Variants in B3GALT1 observed in about 807,000 individuals in gnomAD.
B3GALT1 encodes beta-1,3-galactosyltransferase 1.
A neutral mutation model predicts 23.2 loss-of-function variants in B3GALT1; 10 were observed. The ratio of observed to expected loss-of-function variants is 0.43; its 90% CI spans 0.27 to 0.73. B3GALT1 has a LOEUF of 0.73. B3GALT1 is among the 30% of genes least tolerant of loss of function. The pLI, the probability that B3GALT1 is intolerant of heterozygous loss-of-function variation, is 0.21. For synonymous variants in B3GALT1, 156 were observed against 141.5 expected, an observed-to-expected ratio of 1.10 and a Z score of -0.73; for missense variants, 299 against 405.4, an observed-to-expected ratio of 0.74 and a Z score of 2.25.
chr2:167,483,980 C>T (rs760116907), intron 1 of B3GALT1, among the ~76,000 whole-genome samples: 4 of 152,174 alleles, frequency 2.6e-5, no homozygotes, highest in South Asian at 2.1e-4. Context: ...GAGCTATCTC[C>T]GTTAAGAACT....
At chr2:167,489,788 G>C (rs184224102) in intron 1 of B3GALT1, among the ~76,000 whole-genome samples, 3 of 152,280 alleles carry the variant, frequency 2.0e-5, no homozygotes, top group Admixed American at 2.0e-4. Context: ...AGACAAGACT[G>C]TTTAGAACTA....
chr2:167,612,882 G>T (rs1574167926), intron 2 of B3GALT1, among the ~76,000 whole-genome samples: 1 of 151,960 alleles, frequency 6.6e-6, no homozygotes, highest in Admixed American at 6.6e-5. Flanking sequence ...GAGAAAGCAA[G>T]ATTGAAATAA....
At chr2:167,613,237 A>G (rs1685102232) in intron 2 of B3GALT1, among the ~76,000 whole-genome samples, 1 of 151,944 alleles carries the variant, frequency 6.6e-6, no homozygotes, top group Non-Finnish European at 1.5e-5. Context: ...GAAGTTTATC[A>G]CAGGATTATT....
chr2:167,740,864 G>C (rs1055408556), intron 3 of B3GALT1, among the ~76,000 whole-genome samples: 1 of 152,030 alleles, frequency 6.6e-6, no homozygotes, highest in African/African-American at 2.4e-5. Flanking sequence ...TTAGTCTTTT[G>C]GCAGGCACTG....
chr2:167,379,474 G>C (rs183796040), intron 1 of B3GALT1, among the ~76,000 whole-genome samples: 1 of 152,014 alleles, frequency 6.6e-6, no homozygotes, highest in Non-Finnish European at 1.5e-5. Context: ...TGTAGAGATT[G>C]CTGTGTAGGG....
At chr2:167,616,790 C>G (rs775711269) in intron 2 of B3GALT1, among the ~76,000 whole-genome samples, 8 of 151,956 alleles carry the variant, frequency 5.3e-5, no homozygotes, top group South Asian at 4.1e-4. Context: ...TGTAAACTTT[C>G]TTGTATTTTC....
intron 2 of B3GALT1, among the ~76,000 whole-genome samples, chr2:167,583,066 G>C (rs1438785564): frequency 7.2e-5 from 11 of 152,120 alleles, no homozygotes; most frequent in Non-Finnish European, 1.5e-4. Context: ...CTTTTCTCAA[G>C]GCCCATGAGG....
chr2:167,603,893 C>CT (rs551000087), intron 2 of B3GALT1, among the ~76,000 whole-genome samples: 181 of 136,862 alleles, frequency 1.3e-3, no homozygotes, highest in African/African-American at 2.6e-3. Context: ...AGAAAAAGTT[C>CT]TTTTTTTTTT....
chr2:167,407,420 C>T (rs991787992), intron 1 of B3GALT1, among the ~76,000 whole-genome samples: 2 of 151,920 alleles, frequency 1.3e-5, no homozygotes, highest in Admixed American at 1.3e-4. Flanking sequence ...CCTAAGAATG[C>T]ATCTCAAGGA....
intron 1 of B3GALT1, among the ~76,000 whole-genome samples, chr2:167,377,826 G>C (rs1697788611): frequency 6.6e-6 from 1 of 152,078 alleles, no homozygotes; most frequent in African/African-American, 2.4e-5. Flanking sequence ...TTACAGTCAA[G>C]GTTAATATTA....
At chr2:167,542,500 A>G (rs1683549191) in intron 2 of B3GALT1, among the ~76,000 whole-genome samples, 1 of 152,168 alleles carries the variant, frequency 6.6e-6, no homozygotes, top group Admixed American at 6.5e-5. Context: ...TTCCTTTCAG[A>G]CAAAATATAT....
chr2:167,410,752 T>A (rs1018530100), intron 1 of B3GALT1, among the ~76,000 whole-genome samples: 1 of 151,726 alleles, frequency 6.6e-6, no homozygotes, highest in Non-Finnish European at 1.5e-5. Flanking sequence ...AGTAAAAAAA[T>A]AAAATAAAAT....
intron 3 of B3GALT1, among the ~76,000 whole-genome samples, chr2:167,659,842 T>C (rs944818566): frequency 2.6e-5 from 4 of 152,068 alleles, no homozygotes; most frequent in South Asian, 2.1e-4. Context: ...CTTCCTCGAG[T>C]GGATAAAATA....
chr2:167,443,058 G>A lies in B3GALT1; in HGVS notation c.-510-47119G>A, dbSNP rs569175991. 3.9e-4 allele frequency among the ~76,000 whole-genome samples: 60 copies of A among 152,124 alleles called. No individual in the cohort carries two copies. The East Asian group carries it at 0.011, about 28-fold the overall frequency. ...TCTTGAATTGATTTTTGTATAAGGT[G>A]TAAGGAAGGGATCCAGTTTCAGCTT... On this transcript the variant is annotated intron_variant, in intron 1 of 4. Transcript: ENST00000392690.
chr2:167,608,849 G>T (rs6711607), intron 2 of B3GALT1, among the ~76,000 whole-genome samples: 1 of 151,854 alleles, frequency 6.6e-6, no homozygotes, highest in Non-Finnish European at 1.5e-5. Context: ...AAGTTGCCAG[G>T]TTTCTTACCA....
chr2:167,625,131 A>G (rs2105442444), intron 2 of B3GALT1, among the ~76,000 whole-genome samples: 1 of 152,118 alleles, frequency 6.6e-6, no homozygotes, highest in African/African-American at 2.4e-5. Flanking sequence ...TTGGAGTTCT[A>G]CAGACTAAAG....
At chr2:167,307,867 T>G (rs1179787549) in intron 1 of B3GALT1, among the ~76,000 whole-genome samples, 1 of 152,030 alleles carries the variant, frequency 6.6e-6, no homozygotes, top group Non-Finnish European at 1.5e-5. Flanking sequence ...TAAAAAGACC[T>G]TCAAAAGCTT....
At chr2:167,448,006 T>C (rs1381284574) in intron 1 of B3GALT1, among the ~76,000 whole-genome samples, 3 of 152,214 alleles carry the variant, frequency 2.0e-5, no homozygotes, top group Non-Finnish European at 4.4e-5. Context: ...TATCACAATT[T>C]CTTTATCCAC....
chr2:167,627,919 T>C (rs139495513), intron 2 of B3GALT1, among the ~76,000 whole-genome samples: 2 of 151,702 alleles, frequency 1.3e-5, no homozygotes, highest in African/African-American at 4.8e-5. Flanking sequence ...TGGTATCTCA[T>C]TGTGATTTGA....
Sources: allele counts gnomAD v4.1 joint callset (sites outside exome capture counted in the v4.1 genomes callset), GRCh38; gene constraint gnomAD v4.1.1; transcripts MANE v1.5; gene names NCBI Gene and HGNC (gene_info 2026-07-23, HGNC 2026-07-21).